Variants in UNC13C observed in about 807,000 individuals in gnomAD.
The protein encoded by UNC13C is protein unc-13 homolog C.
A neutral mutation model predicts 245.4 loss-of-function variants in UNC13C; 174 were observed. The observed-to-expected ratio is 0.71, with a 90% confidence interval of 0.63 to 0.80. The LOEUF is 0.80. UNC13C is among the 30% of genes least tolerant of loss of function. The pLI is 0.00. For synonymous variants in UNC13C, 992 were observed against 895.1 expected (o/e 1.11, Z -1.93); for missense variants, 2,829 against 2,602.9 (o/e 1.09, Z -1.89).
upstream of UNC13C, among the ~76,000 whole-genome samples, chr15:53,976,471 C>CTT (rs1491026119): frequency 3.2e-5 from 1 of 31,414 alleles, no homozygotes; most frequent in African/African-American, 6.2e-5. Flanking sequence ...CTCTCTCTCT[C>CTT]TCTCTCTTTT....
At chr15:54,629,948 C>CTGTT (rs1901417681), downstream of UNC13C, 1 of 151,036 alleles carries the variant, frequency 6.6e-6, no homozygotes, top group Non-Finnish European at 1.5e-5. Flanking sequence ...TCTGTAGACT[C>CTGTT]TGTTTTCCTC....
At chr15:54,338,537 A>G in intron 17 of UNC13C, 48 bp downstream of exon 17, 1 of 1,598,242 alleles carries the variant, frequency 6.3e-7, no homozygotes, top group African/African-American at 1.3e-5. Flanking sequence ...TGTTTCTAGT[A>G]TCTGTTTCCA....
chr15:54,102,588 A>G (rs1158211776), intron 2 of UNC13C, among the ~76,000 whole-genome samples: 1 of 152,210 alleles, frequency 6.6e-6, no homozygotes, highest in Non-Finnish European at 1.5e-5. Flanking sequence ...AAAAACAACA[A>G]CTAAATTATA....
At chr15:53,863,477 C>T in the UNC13C span, among the ~76,000 whole-genome samples, 1 of 152,162 alleles carries the variant, frequency 6.6e-6, no homozygotes, top group African/African-American at 2.4e-5. Flanking sequence ...CAAGTGATAG[C>T]TGTTTATCAT....
chr15:54,178,152 T>A (rs2033677692), intron 4 of UNC13C, among the ~76,000 whole-genome samples: 2 of 152,278 alleles, frequency 1.3e-5, no homozygotes, highest in African/African-American at 4.8e-5. Flanking sequence ...TCAAGCATGG[T>A]TTTCAATCTA....
At chr15:54,091,439 T>G (rs557444544) in intron 2 of UNC13C, among the ~76,000 whole-genome samples, 1 of 152,356 alleles carries the variant, frequency 6.6e-6, no homozygotes, top group East Asian at 1.9e-4. Flanking sequence ...GAAGCTGCTT[T>G]AAATTCCTGT....
intron 23 of UNC13C, among the ~76,000 whole-genome samples, chr15:54,511,190 A>G (rs1894721881): frequency 2.6e-5 from 4 of 152,302 alleles, no homozygotes; most frequent in Admixed American, 6.5e-5. Flanking sequence ...CCAGGAAAAA[A>G]GAACGCTCTA....
At chr15:54,126,211 T>C (rs2141204484) in intron 2 of UNC13C, among the ~76,000 whole-genome samples, 1 of 152,236 alleles carries the variant, frequency 6.6e-6, no homozygotes, top group East Asian at 1.9e-4. Context: ...AAAACATGCC[T>C]CAACTATATG....
chr15:54,473,326 C>T (rs1026116913), intron 19 of UNC13C, among the ~76,000 whole-genome samples: 4 of 151,834 alleles, frequency 2.6e-5, no homozygotes, highest in African/African-American at 4.8e-5. Context: ...GGATATCCAT[C>T]GCCTTAAACA....
chr15:54,015,229 C>T lies in UNC13C; in HGVS notation c.2326C>T (p.Pro776Ser), dbSNP rs1895591367. ...LQSDDSEDAP[P>S]KSWHSRLSID... ...AAGTGATGATTCAGAGGATGCCCCACCCAAATCATGGCATAGTCGATTAAG... is the reference window on the plus strand; with the variant it reads ...AAGTGATGATTCAGAGGATGCCCCATCCAAATCATGGCATAGTCGATTAAG... Residue 776 changes from proline (P) to serine (S), a missense_variant, in exon 2 of 33, where the codon CCC becomes TCC. Coordinates refer to ENST00000260323, the MANE Select transcript of UNC13C (RefSeq NM_001080534.3). The T allele has an allele frequency of 1.2e-6, 2 of 1,613,200 alleles. No individual in the cohort carries two copies.
intron 19 of UNC13C, among the ~76,000 whole-genome samples, chr15:54,472,562 T>C (rs1409093595): frequency 2.0e-5 from 3 of 151,920 alleles, no homozygotes; most frequent in Admixed American, 1.3e-4. Context: ...CTAATGCAGA[T>C]GTACCAGTGA....
chr15:54,387,240 C>G (rs1215365998), intron 17 of UNC13C, among the ~76,000 whole-genome samples: 2 of 152,158 alleles, frequency 1.3e-5, no homozygotes, highest in African/African-American at 4.8e-5. Context: ...GGCAGAGTAG[C>G]ACTTGTGGAT....
Position 54,236,447 on chromosome 15 carries a change from G to A in UNC13C, c.3156+12G>A. Reference sequence around the variant, plus strand: ...ATCTTCAGGCCATGGTAAGTGCTTTGCTATTTATTTAATTAATATTTTGCA... The same window carrying A: ...ATCTTCAGGCCATGGTAAGTGCTTTACTATTTATTTAATTAATATTTTGCA... On this transcript the variant is annotated intron_variant, in intron 6 of 32. Transcript: ENST00000260323. 1.9e-6 allele frequency: 3 copies of A among 1,589,464 alleles called. No homozygotes were observed. Among genetic ancestry groups the A allele is most frequent in the Non-Finnish European group, 2.6e-6 (3 of 1,173,598 alleles).
At chr15:54,172,719 T>TAAAA (rs767017010) in intron 4 of UNC13C, among the ~76,000 whole-genome samples, 2 of 35,424 alleles carry the variant, frequency 5.6e-5, no homozygotes, top group Admixed American at 2.4e-4. Flanking sequence ...TATATATATA[T>TAAAA]ATATATATAT....
intron 19 of UNC13C, among the ~76,000 whole-genome samples, chr15:54,426,189 T>A (rs550333723): frequency 3.3e-4 from 50 of 151,570 alleles, no homozygotes; most frequent in Admixed American, 1.1e-3. Flanking sequence ...CAGAACATAT[T>A]CATATTCAGT....
At chr15:54,083,751 A>G (rs2141122350) in intron 2 of UNC13C, among the ~76,000 whole-genome samples, 1 of 152,258 alleles carries the variant, frequency 6.6e-6, no homozygotes, top group South Asian at 2.1e-4. Context: ...ACAGCTCCCC[A>G]GGGACTTGAT....
chr15:54,297,007 A>G lies in UNC13C; in HGVS notation c.3989-804A>G, dbSNP rs9920834. On this transcript the variant is annotated intron_variant, in intron 11 of 32. Transcript: ENST00000260323. The stretch of plus-strand genomic sequence containing the variant: ...CAGTCCAGCACTTATAAGTTAGCCT[A>G]GGGTATAGACTGTAGGTCTTTATAA... Among the ~76,000 whole-genome samples the G allele has an allele frequency of 3.8e-3, 583 of 152,326 alleles. 3 individuals carry two copies. The highest frequency in any genetic ancestry group is 0.014 in the African/African-American group (571 of 41,574).
chr15:54,186,962 C>T (rs1368287085), intron 4 of UNC13C, among the ~76,000 whole-genome samples: 1 of 151,890 alleles, frequency 6.6e-6, no homozygotes, highest in African/African-American at 2.4e-5. Flanking sequence ...GATTCTCCTG[C>T]CTCTGCCTCC....
At chr15:53,884,539 T>C in the UNC13C span, among the ~76,000 whole-genome samples, 1 of 152,154 alleles carries the variant, frequency 6.6e-6, no homozygotes, top group South Asian at 2.1e-4. Context: ...CTCACTACAT[T>C]GCCCAGACTA....
Sources: gnomAD v4.1 joint callset for allele counts (sites outside exome capture counted in the v4.1 genomes callset) on GRCh38, gnomAD v4.1.1 for gene constraint, MANE v1.5 for transcripts, NCBI Gene and HGNC (gene_info 2026-07-23, HGNC 2026-07-21) for gene names.